LLGL2: variants seen among roughly 807,000 people sequenced by gnomAD.
LLGL2 encodes the protein LLGL2, scribble cell polarity complex component.
In LLGL2, 81 loss-of-function variants were observed where a neutral mutation model predicts 123.2. The ratio of observed to expected loss-of-function variants is 0.66; its 90% CI spans 0.55 to 0.79. The LOEUF (loss-of-function observed/expected upper bound fraction) is 0.79, where lower values mean the gene tolerates loss of function less well. Among genes scored for constraint, LLGL2 ranks in the 30% least tolerant of loss-of-function variants. The probability of loss-of-function intolerance (pLI) is 0.00; values close to 1 mark genes in which losing one functional copy is unlikely to be tolerated. For synonymous variants in LLGL2, 577 were observed against 594.1 expected (o/e 0.97, Z 0.42); for missense variants, 1,273 against 1,414.6 (o/e 0.90, Z 1.61).
chr17:75,531,348 C>T (rs759825795), intron 1 of LLGL2, among the ~76,000 whole-genome samples: 1 of 152,154 alleles, frequency 6.6e-6, no homozygotes, highest in African/African-American at 2.4e-5. Flanking sequence ...TTAGTTTCCC[C>T]GGGGAGCTAT....
chr17:75,566,795 C>T (rs993406754), intron 10 of LLGL2, among the ~76,000 whole-genome samples: 4 of 152,032 alleles, frequency 2.6e-5, no homozygotes, highest in African/African-American at 7.2e-5. Context: ...CTCAGCTGGG[C>T]GGGGATCAAG....
rs188147720 is a variant in LLGL2 at position 75,528,783 on chromosome 17, C to T, written c.-31+2958C>T. Among the ~76,000 whole-genome samples the T allele has an allele frequency of 2.2e-4, 34 of 151,976 alleles. 1 individual carries two copies. Among genetic ancestry groups the T allele is most frequent in the Admixed American group, 2.0e-3 (30 of 15,274 alleles). ...AAAATGGCCCATAATCCCAGGTGAT[C>T]GCTGTTCATTTAAAAAATAGAAAAG... On this transcript the variant is annotated intron_variant, in intron 1 of 25. Transcript: ENST00000392550.
rs534079297 is a variant in LLGL2 at position 75,564,076 on chromosome 17, T to C, written c.881+270T>C. 1.3e-5 allele frequency among the ~76,000 whole-genome samples: 2 copies of C among 152,362 alleles called. No homozygotes were observed. Among genetic ancestry groups the C allele is most frequent in the Admixed American group, 1.3e-4 (2 of 15,310 alleles). On this transcript the variant is annotated intron_variant, in intron 9 of 25. Transcript: ENST00000392550. The surrounding 1 kb of genome is among the most constrained non-coding windows in gnomAD (Gnocchi z 4.9). ...CTTAAACTCCTTTAGTTGGCAGCCCTGTTTCTTCAGACAAAATCACTCTGG... is the reference window on the plus strand; with the variant it reads ...CTTAAACTCCTTTAGTTGGCAGCCCCGTTTCTTCAGACAAAATCACTCTGG...
rs546145870 is a variant in LLGL2, at chr17:75,557,632, C to T, written c.174-523C>T. Among the ~76,000 whole-genome samples, 132 of 152,314 alleles carry T rather than the reference C, an allele frequency of 8.7e-4. 1 individual carries two copies. Among genetic ancestry groups the T allele is most frequent in the Admixed American group, 7.8e-3 (120 of 15,306 alleles). On this transcript the variant is annotated intron_variant, in intron 3 of 25. Coordinates refer to ENST00000392550, the MANE Select transcript of LLGL2 (RefSeq NM_001031803.2). Reference sequence around the variant, plus strand: ...CCCGGTGTGGGGGAGGGGTATGGAGCACTCGAGTTCCAGGCTGGGCTGGTG... The same window carrying T: ...CCCGGTGTGGGGGAGGGGTATGGAGTACTCGAGTTCCAGGCTGGGCTGGTG...
Position 75,563,191 on chromosome 17 carries a change from C to G in LLGL2, c.693+13C>G, listed in dbSNP as rs1466649380. On this transcript the variant is annotated intron_variant, in intron 7 of 25. Transcript: ENST00000392550. ...CCTCAGCAGCCAGGTAGGCAGTGCC[C>G]AGGACATGGCAGGCGCCATGTTGCT... 1.9e-6 allele frequency: 3 copies of G among 1,612,208 alleles called. No individual in the cohort carries two copies. The highest frequency in any genetic ancestry group is 2.5e-6 in the Non-Finnish European group (3 of 1,179,584).
At chr17:75,541,460 C>T (rs772408855) in intron 1 of LLGL2, among the ~76,000 whole-genome samples, 1 of 152,232 alleles carries the variant, frequency 6.6e-6, no homozygotes, top group African/African-American at 2.4e-5. Flanking sequence ...CCAGCCGGTG[C>T]CTGTTCTCTG....
At chr17:75,570,580 G>A in intron 16 of LLGL2, 82 bp downstream of exon 16, 1 of 1,453,816 alleles carries the variant, frequency 6.9e-7, no homozygotes, top group Non-Finnish European at 9.2e-7. Context: ...CACGGCCCCT[G>A]CTCCCCAGGC....
rs2054557142 is a variant in LLGL2 at position 75,549,162 on chromosome 17, A to G, written c.75+5661A>G. Among the ~76,000 whole-genome samples the G allele has an allele frequency of 6.6e-6, 1 of 151,942 alleles. No homozygotes were observed. Among genetic ancestry groups the G allele is most frequent in the Non-Finnish European group, 1.5e-5 (1 of 67,980 alleles). On this transcript the variant is annotated intron_variant, in intron 2 of 25. Coordinates refer to ENST00000392550, the MANE Select transcript of LLGL2 (RefSeq NM_001031803.2). This position sits in a 1 kb window ranked among gnomAD's most constrained non-coding sequence, Gnocchi z 4.0. ...CCAGTGAAGTAACTGTTTGCTATATATGGTGGGCCGTCAAGCCTATTGGAG... is the reference window on the plus strand; with the variant it reads ...CCAGTGAAGTAACTGTTTGCTATATGTGGTGGGCCGTCAAGCCTATTGGAG...
chr17:75,556,164 C>G (rs756673867), intron 3 of LLGL2, 21 bp downstream of exon 3: 1 of 1,588,052 alleles, frequency 6.3e-7, no homozygotes, highest in East Asian at 2.2e-5. Flanking sequence ...TCCCCTCGCT[C>G]CCACTCGGGC....
chr17:75,565,286 G>A (rs2055396685), intron 10 of LLGL2, among the ~76,000 whole-genome samples: 1 of 152,220 alleles, frequency 6.6e-6, no homozygotes, highest in African/African-American at 2.4e-5. Context: ...GTTGAAACCT[G>A]GAGAGGAGCC....
chr17:75,572,050 G>A lies in LLGL2; in HGVS notation c.2446G>A (p.Glu816Lys). Residue 816 changes from glutamate (E) to lysine (K), a missense_variant, in exon 19 of 26, where the codon GAG (glutamate) becomes AAG (lysine). Glu to Lys is a moderately conservative substitution (Grantham distance 56). Coordinates refer to ENST00000392550, the MANE Select transcript of LLGL2 (RefSeq NM_001031803.2). ...AAGCCACCAGCTGCTCGTCGTATCAGAGGAGCAGTTCAAGGTGCCACACGG... is the reference window on the plus strand; with the variant it reads ...AAGCCACCAGCTGCTCGTCGTATCAAAGGAGCAGTTCAAGGTGCCACACGG... ...QGSHQLLVVS[E>K]EQFKVFTLPK... 6.2e-7 allele frequency: 1 copy of A among 1,611,532 alleles called. No homozygotes were observed. The highest frequency in any genetic ancestry group is 8.5e-7 in the Non-Finnish European group (1 of 1,179,940).
chr17:75,568,728 C>T lies in LLGL2; in HGVS notation c.1254+35C>T, dbSNP rs145089698. 6.5e-3 allele frequency: 10,465 copies of T among 1,613,128 alleles called. 48 individuals carry two copies. Among genetic ancestry groups the T allele is most frequent in the Non-Finnish European group, 7.6e-3 (8,977 of 1,179,422 alleles). On this transcript the variant is annotated intron_variant, in intron 11 of 25. Transcript: ENST00000392550. ...GCCCTGGCCCCAGCCCCAGCCCCAC[C>T]GCAAGCCAAACTCTCCCATGGACTT...
In LLGL2 at chr17:75,558,904, ACGCC is replaced by A. The variant is rs1568052278; in HGVS notation, c.371+278_371+281del. 5.5e-4 allele frequency: 20 copies of A among 36,210 alleles called. 3 individuals are homozygous for A. The highest frequency in any genetic ancestry group is 2.2e-3 in the African/African-American group (15 of 6,908). 2.2% of individuals were successfully genotyped at this position (36,210 alleles called of 1,614,324 possible). A position where few individuals can be genotyped will look rare whatever the true frequency, so the allele number is the denominator to read the frequency against. ...GCACCCCACCTCCTCCATCCACACC[ACGCC>A]TCCTCCATCCGCACCCCACCTCCTC... is the stretch of plus-strand genomic sequence containing the variant. On this transcript the variant is annotated intron_variant, in intron 5 of 25. Transcript: ENST00000392550. The surrounding 1 kb of genome is among the most constrained non-coding windows in gnomAD (Gnocchi z 4.0).
In LLGL2 at chr17:75,564,356, G is replaced by T; in HGVS notation, c.885G>T (p.Leu295Phe). Residue 295 changes from leucine (L) to phenylalanine (F), a missense_variant, in exon 10 of 26, where the codon TTG (leucine) becomes TTT (phenylalanine). Transcript: ENST00000392550. This position sits in a 1 kb window ranked among gnomAD's most constrained non-coding sequence, Gnocchi z 4.9. Reference sequence around the variant, plus strand: ...GCCGCTCCTCTGTGCCTGCCAGGTTGCCCTTCACCATCTTCCAGGGTGGCA... The same window carrying T: ...GCCGCTCCTCTGTGCCTGCCAGGTTTCCCTTCACCATCTTCCAGGGTGGCA... ...RILWLTTRQG[L>F]PFTIFQGGMP... 1.2e-6 allele frequency: 2 copies of T among 1,607,770 alleles called. No homozygotes were observed. The highest frequency in any genetic ancestry group is 2.2e-5 in the East Asian group (1 of 44,820).
At chr17:75,530,780 C>T (rs1001889790) in intron 1 of LLGL2, among the ~76,000 whole-genome samples, 2 of 152,126 alleles carry the variant, frequency 1.3e-5, no homozygotes, top group East Asian at 1.9e-4. Context: ...CACTGCACTC[C>T]AGCCTGGGTG....
At chr17:75,535,663 A>G (rs1328728014) in intron 1 of LLGL2, among the ~76,000 whole-genome samples, 3 of 152,194 alleles carry the variant, frequency 2.0e-5, no homozygotes, top group African/African-American at 7.2e-5. Flanking sequence ...GCACAATCGC[A>G]TCTGCCACTT....
chr17:75,573,352 T>C, intron 20 of LLGL2, 74 bp downstream of exon 20: 1 of 1,555,980 alleles, frequency 6.4e-7, no homozygotes, highest in Non-Finnish European at 8.7e-7. Context: ...AGGGGTGTTG[T>C]GGCCACGGCC....
intron 2 of LLGL2, among the ~76,000 whole-genome samples, chr17:75,553,752 A>G (rs991409063): frequency 3.3e-5 from 5 of 152,288 alleles, no homozygotes; most frequent in Middle Eastern, 3.4e-3. Context: ...AAACTGAACT[A>G]AAAACCTTCC....
intron 1 of LLGL2, among the ~76,000 whole-genome samples, chr17:75,531,659 G>A (rs774711760): frequency 6.6e-6 from 1 of 152,214 alleles, no homozygotes; most frequent in African/African-American, 2.4e-5. Flanking sequence ...GGCAGGAGAC[G>A]GGCGTCCCCC....
Sources: allele counts gnomAD v4.1 joint callset (sites outside exome capture counted in the v4.1 genomes callset), GRCh38; gene constraint gnomAD v4.1.1; non-coding constraint Gnocchi (gnomAD v3.1); transcripts MANE v1.5; gene names NCBI Gene and HGNC (gene_info 2026-07-23, HGNC 2026-07-21).